Variants in KIAA1217 observed in about 807,000 individuals in gnomAD.
KIAA1217 encodes the protein KIAA1217.
A neutral mutation model predicts 163.9 loss-of-function variants in KIAA1217; 88 were observed. That is an observed-to-expected ratio of 0.54 (90% CI 0.45 to 0.64). The LOEUF (loss-of-function observed/expected upper bound fraction) is 0.64. KIAA1217 is among the 30% of genes least tolerant of loss of function. KIAA1217 has a pLI of 0.00. For missense variants in KIAA1217, 2,372 were observed against 2,475.0 expected (o/e 0.96, Z 0.88); for synonymous variants, 903 against 923.1 (o/e 0.98, Z 0.39).
intron 3 of KIAA1217, among the ~76,000 whole-genome samples, chr10:24,389,387 A>G (rs1182832158): frequency 6.6e-6 from 1 of 151,694 alleles, no homozygotes; most frequent in Admixed American, 6.6e-5. Flanking sequence ...AATATCACAC[A>G]CTGGGGCCTG....
upstream of KIAA1217, among the ~76,000 whole-genome samples, chr10:24,208,610 A>T (rs1564830945): frequency 6.6e-6 from 1 of 150,700 alleles, no homozygotes; most frequent in African/African-American, 2.4e-5. Flanking sequence ...ATTGTTTGGG[A>T]TTTTTTTTTA....
chr10:23,822,818 G>C (rs956425846), intron 1 of KIAA1217, among the ~76,000 whole-genome samples: 12 of 152,138 alleles, frequency 7.9e-5, no homozygotes, highest in Non-Finnish European at 1.2e-4. Flanking sequence ...ATAATGATAT[G>C]TATCTTGAGA....
At chr10:24,170,800 A>C (rs1161244345) in intron 2 of KIAA1217, among the ~76,000 whole-genome samples, 5 of 152,210 alleles carry the variant, frequency 3.3e-5, no homozygotes, top group African/African-American at 4.8e-5. Flanking sequence ...AAATTTAGAA[A>C]CCTACAAAAT....
chr10:23,950,155 A>G, intron 1 of KIAA1217, among the ~76,000 whole-genome samples: 1 of 152,188 alleles, frequency 6.6e-6, no homozygotes, highest in East Asian at 1.9e-4. Flanking sequence ...CCACCATGAT[A>G]GTAGTGGTGA....
At chr10:24,396,944 G>A (rs1272443412) in intron 3 of KIAA1217, among the ~76,000 whole-genome samples, 4 of 152,186 alleles carry the variant, frequency 2.6e-5, no homozygotes, top group Admixed American at 6.5e-5. Context: ...CAGGAGCTGG[G>A]AGACCAGTTA....
chr10:24,019,315 C>T (rs945791190), intron 2 of KIAA1217, among the ~76,000 whole-genome samples: 1 of 151,724 alleles, frequency 6.6e-6, no homozygotes, highest in South Asian at 2.1e-4. Flanking sequence ...TAAATATATA[C>T]AATTTGGCAT....
intron 5 of KIAA1217, among the ~76,000 whole-genome samples, chr10:24,455,008 C>T (rs541041525): frequency 6.6e-6 from 1 of 151,784 alleles, no homozygotes; most frequent in African/African-American, 2.4e-5. Context: ...TCTGAGAGAA[C>T]CTCTGCATTT....
At chr10:24,150,044 T>C (rs781281821) in intron 2 of KIAA1217, among the ~76,000 whole-genome samples, 1 of 151,830 alleles carries the variant, frequency 6.6e-6, no homozygotes, top group African/African-American at 2.4e-5. Context: ...TGAGATGGAG[T>C]TAAACTTTTG....
At position 24,401,184 on chromosome 10, in the gene KIAA1217, A is replaced by AAT. The variant is rs113096628; in HGVS notation, c.553+20136_553+20137dup. ...CAAGGGAAAGAAGTTACCATCAACCAATATATATATATATATATATTTTTA... is the reference window on the plus strand; with the variant it reads ...CAAGGGAAAGAAGTTACCATCAACCAATATATATATATATATATATATTTTTA... On this transcript the variant is annotated intron_variant, in intron 3 of 20. Transcript: ENST00000376454. Among the ~76,000 whole-genome samples, 563 of 147,196 alleles carry AAT rather than the reference A, an allele frequency of 3.8e-3. 4 individuals are homozygous for AAT. The highest frequency in any genetic ancestry group is 8.1e-3 in the South Asian group (38 of 4,688).
At chr10:23,867,984 G>C (rs573423295) in intron 1 of KIAA1217, among the ~76,000 whole-genome samples, 11 of 152,152 alleles carry the variant, frequency 7.2e-5, no homozygotes, top group African/African-American at 2.4e-4. Flanking sequence ...TATGGTTTTA[G>C]GTCTAATGTT....
intron 1 of KIAA1217, among the ~76,000 whole-genome samples, chr10:23,836,787 G>A (rs1460445964): frequency 1.3e-5 from 2 of 151,828 alleles, no homozygotes; most frequent in African/African-American, 4.8e-5. Flanking sequence ...AAAATTAGCC[G>A]TGTATGGTAG....
At chr10:23,752,757 T>A (rs1839806971) in intron 1 of KIAA1217, among the ~76,000 whole-genome samples, 1 of 152,174 alleles carries the variant, frequency 6.6e-6, no homozygotes, top group Non-Finnish European at 1.5e-5. Flanking sequence ...TTTTATTAAA[T>A]CCTAGGCATT....
intron 2 of KIAA1217, among the ~76,000 whole-genome samples, chr10:24,177,273 A>ATATATG (rs1277135644): frequency 1.0e-5 from 1 of 96,868 alleles, no homozygotes; most frequent in East Asian, 2.7e-4. Context: ...ATATATATAT[A>ATATATG]TATATATATA....
intron 2 of KIAA1217, among the ~76,000 whole-genome samples, chr10:24,094,958 C>T (rs997909811): frequency 3.3e-5 from 5 of 152,198 alleles, no homozygotes; most frequent in African/African-American, 1.2e-4. Flanking sequence ...CTCCCCCAGC[C>T]TGGCTGCCGC....
At chr10:23,982,995 C>T (rs960408763) in intron 1 of KIAA1217, among the ~76,000 whole-genome samples, 1 of 151,984 alleles carries the variant, frequency 6.6e-6, no homozygotes, top group African/African-American at 2.4e-5. Flanking sequence ...GCCTTGATCT[C>T]GGCTGGGTTG....
intron 1 of KIAA1217, among the ~76,000 whole-genome samples, chr10:23,810,230 C>G (rs1836933009): frequency 6.6e-6 from 1 of 150,698 alleles, no homozygotes; most frequent in South Asian, 2.1e-4. Context: ...GTCTGTCTAT[C>G]TACCTACCTA....
chr10:24,146,506 C>T (rs1009549441), intron 2 of KIAA1217, among the ~76,000 whole-genome samples: 7 of 151,972 alleles, frequency 4.6e-5, no homozygotes, highest in Admixed American at 1.3e-4. Context: ...GGCAACATGA[C>T]GAAACCCCAG....
At chr10:24,211,678 G>C (rs1015533416) in intron 1 of KIAA1217, among the ~76,000 whole-genome samples, 1 of 151,346 alleles carries the variant, frequency 6.6e-6, no homozygotes, top group South Asian at 2.1e-4. Flanking sequence ...GGTAATACTG[G>C]GTGCTGTATT....
chr10:23,804,664 C>T (rs752755776), intron 1 of KIAA1217, among the ~76,000 whole-genome samples: 10 of 152,072 alleles, frequency 6.6e-5, no homozygotes, highest in Non-Finnish European at 1.2e-4. Flanking sequence ...AGATACACAC[C>T]GTTGCCAGTG....
Sources: gnomAD v4.1 joint callset for allele counts (sites outside exome capture counted in the v4.1 genomes callset) on GRCh38, gnomAD v4.1.1 for gene constraint, MANE v1.5 for transcripts, NCBI Gene and HGNC (gene_info 2026-07-23, HGNC 2026-07-21) for gene names.